Variants in LDLRAD4 observed in about 807,000 individuals in gnomAD.
LDLRAD4 encodes the protein low-density lipoprotein receptor class A domain-containing protein 4.
Under a neutral mutation model 17.0 loss-of-function variants are expected in LDLRAD4, and 5 were observed. That is an observed-to-expected ratio of 0.29 (90% CI 0.15 to 0.62). LDLRAD4 has a LOEUF of 0.62. LDLRAD4 is among the 20% of genes least tolerant of loss of function. The pLI, the probability that LDLRAD4 is intolerant of heterozygous loss-of-function variation, is 0.84. For synonymous variants in LDLRAD4, 168 were observed against 171.8 expected (o/e 0.98, Z 0.17); for missense variants, 340 against 424.7 (o/e 0.80, Z 1.75).
At chr18:13,412,364 T>C (rs139033874) in intron 2 of LDLRAD4, among the ~76,000 whole-genome samples, 162 of 152,322 alleles carry the variant, frequency 1.1e-3, no homozygotes, top group Middle Eastern at 3.4e-3. Flanking sequence ...ATCTTTCTTT[T>C]CTCTCTGAAA....
intron 3 of LDLRAD4, among the ~76,000 whole-genome samples, chr18:13,608,828 A>G (rs747965688): frequency 8.5e-5 from 13 of 152,236 alleles, no homozygotes; most frequent in East Asian, 1.9e-4. Context: ...GTAAACGCTC[A>G]GGTAAATATT....
At chr18:13,508,602 T>C (rs1455387754) in intron 3 of LDLRAD4, among the ~76,000 whole-genome samples, 1 of 152,196 alleles carries the variant, frequency 6.6e-6, no homozygotes, top group Non-Finnish European at 1.5e-5. Context: ...GCCTGTGCTC[T>C]AGAAATAGAA....
chr18:13,568,411 T>C (rs146647344), intron 3 of LDLRAD4, among the ~76,000 whole-genome samples: 1 of 152,126 alleles, frequency 6.6e-6, no homozygotes, highest in Non-Finnish European at 1.5e-5. Flanking sequence ...TCCCAGCACT[T>C]AGTGTCCAGC....
intron 3 of LDLRAD4, among the ~76,000 whole-genome samples, chr18:13,553,356 C>G (rs1162861943): frequency 6.6e-6 from 1 of 152,118 alleles, no homozygotes; most frequent in Non-Finnish European, 1.5e-5. Flanking sequence ...ATTTGGGTGT[C>G]TAGACACTGG....
At chr18:13,627,242 CAGAG>C (rs1386968207) in intron 4 of LDLRAD4, among the ~76,000 whole-genome samples, 2 of 152,148 alleles carry the variant, frequency 1.3e-5, no homozygotes, top group African/African-American at 4.8e-5. Context: ...GCCTGGCCGA[CAGAG>C]GGAGACGCCA....
At chr18:13,552,756 C>T (rs548688913) in intron 3 of LDLRAD4, among the ~76,000 whole-genome samples, 38 of 152,244 alleles carry the variant, frequency 2.5e-4, no homozygotes, top group East Asian at 3.9e-4. Flanking sequence ...AGAATCTGTC[C>T]GTCTCCCTCT....
intron 2 of LDLRAD4, chr18:13,419,846 A>T (rs1462303631): frequency 1.3e-5 from 2 of 152,220 alleles, no homozygotes; most frequent in Non-Finnish European, 2.9e-5. Flanking sequence ...CCTCACGTGC[A>T]CATGTTCACA....
chr18:13,517,407 A>G (rs2093883811), intron 3 of LDLRAD4, among the ~76,000 whole-genome samples: 1 of 152,238 alleles, frequency 6.6e-6, no homozygotes, highest in Admixed American at 6.5e-5. Flanking sequence ...TTCCCTCCAC[A>G]AGGTCCCGAG....
intron 3 of LDLRAD4, among the ~76,000 whole-genome samples, chr18:13,482,913 T>C (rs2093128473): frequency 6.6e-6 from 1 of 152,164 alleles, no homozygotes; most frequent in South Asian, 2.1e-4. Flanking sequence ...TTTTCTGTGA[T>C]TAATATAAAT....
chr18:13,608,800 C>T (rs557719355), intron 3 of LDLRAD4, among the ~76,000 whole-genome samples: 34 of 152,326 alleles, frequency 2.2e-4, no homozygotes, highest in Admixed American at 1.8e-3. Context: ...AGGTCCAGTG[C>T]GTTTCCTCCT....
chr18:13,571,418 C>G (rs114194171), intron 3 of LDLRAD4, among the ~76,000 whole-genome samples: 3 of 152,070 alleles, frequency 2.0e-5, no homozygotes, highest in African/African-American at 7.2e-5. Context: ...CGTCCACAGC[C>G]CCTGGATATT....
intron 3 of LDLRAD4, among the ~76,000 whole-genome samples, chr18:13,504,496 C>T (rs1000849461): frequency 6.6e-6 from 1 of 152,210 alleles, no homozygotes; most frequent in Non-Finnish European, 1.5e-5. Context: ...GGCACGATCT[C>T]AGCTCACTGC....
At chr18:13,376,686 T>C (rs1056522186) in intron 1 of LDLRAD4, among the ~76,000 whole-genome samples, 4 of 152,120 alleles carry the variant, frequency 2.6e-5, no homozygotes, top group Non-Finnish European at 5.9e-5. Context: ...GACTGCTCTA[T>C]CACACGCGGT....
chr18:13,317,377 T>C (rs2080989114), intron 1 of LDLRAD4, among the ~76,000 whole-genome samples: 1 of 152,214 alleles, frequency 6.6e-6, no homozygotes, highest in Non-Finnish European at 1.5e-5. Flanking sequence ...GATCCTGACC[T>C]GCTCAGCTAT....
At chr18:13,617,033 AG>A (rs2040149988) in intron 3 of LDLRAD4, among the ~76,000 whole-genome samples, 2 of 152,076 alleles carry the variant, frequency 1.3e-5, no homozygotes. Flanking sequence ...CCAGCAGGGC[AG>A]GGCGGTACCT....
chr18:13,430,956 T>G (rs1212599861), intron 2 of LDLRAD4, among the ~76,000 whole-genome samples: 1 of 152,194 alleles, frequency 6.6e-6, no homozygotes, highest in Non-Finnish European at 1.5e-5. Flanking sequence ...GAAGTACCAT[T>G]GATCCTCATG....
intron 3 of LDLRAD4, among the ~76,000 whole-genome samples, chr18:13,475,154 G>A (rs1857449837): frequency 6.6e-6 from 1 of 152,226 alleles, no homozygotes; most frequent in Admixed American, 6.5e-5. Flanking sequence ...GCTGTTTTCA[G>A]TCTGTGCTTG....
rs2082737537 is a variant in LDLRAD4 at position 13,347,113 on chromosome 18, T to G, written c.-382-40228T>G. Among the ~76,000 whole-genome samples the G allele has an allele frequency of 2.0e-5, 3 of 152,206 alleles. No homozygotes were observed. The South Asian group carries it at 6.2e-4, about 32-fold the overall frequency. ...TTATGTGTGAATTTGATCCTGTTAT[T>G]ATGATGTTAGCTGGTTATTTTGCTC... is the stretch of plus-strand genomic sequence containing the variant. On this transcript the variant is annotated intron_variant, in intron 1 of 5. Coordinates refer to ENST00000359446, the Ensembl canonical transcript of LDLRAD4.
chr18:13,564,643 C>T (rs1421151722), intron 3 of LDLRAD4, among the ~76,000 whole-genome samples: 1 of 148,428 alleles, frequency 6.7e-6, no homozygotes, highest in East Asian at 2.0e-4. Flanking sequence ...GGGTCTGAGT[C>T]GTGGCGAGTG....
Sources: allele counts gnomAD v4.1 joint callset (sites outside exome capture counted in the v4.1 genomes callset), GRCh38; gene constraint gnomAD v4.1.1; transcripts MANE v1.5; gene names NCBI Gene and HGNC (gene_info 2026-07-23, HGNC 2026-07-21).